The following MAPK10 variants were observed in gnomAD, a reference collection of about 807,000 sequenced individuals.
MAPK10 encodes the protein JNK3 alpha protein kinase.
In MAPK10, 25 loss-of-function variants were observed where a neutral mutation model predicts 59.3. That is an observed-to-expected ratio of 0.42 (90% CI 0.31 to 0.59). The LOEUF (loss-of-function observed/expected upper bound fraction) is 0.59, where lower values mean the gene tolerates loss of function less well. Among genes scored for constraint, MAPK10 ranks in the 20% least tolerant of loss-of-function variants. The pLI is 0.15. For synonymous variants in MAPK10, 190 were observed against 200.5 expected, an observed-to-expected ratio of 0.95 and a Z score of 0.44; for missense variants, 351 against 568.9, an observed-to-expected ratio of 0.62 and a Z score of 3.90.
At chr4:86,134,789 G>A (rs2061604290) in intron 4 of MAPK10, among the ~76,000 whole-genome samples, 1 of 152,216 alleles carries the variant, frequency 6.6e-6, no homozygotes, top group Admixed American at 6.5e-5. Flanking sequence ...CATCTCACTA[G>A]GGAGTGCCAA....
chr4:86,178,418 T>C (rs2199309), intron 3 of MAPK10, among the ~76,000 whole-genome samples: 49,658 of 151,868 alleles, frequency 0.33, 11,266 homozygotes, highest in African/African-American at 0.65. Context: ...TAAGCCTAAC[T>C]ACTCCCTACC....
At chr4:86,238,418 A>T (rs1181317335) in intron 2 of MAPK10, among the ~76,000 whole-genome samples, 1 of 151,678 alleles carries the variant, frequency 6.6e-6, no homozygotes, top group Non-Finnish European at 1.5e-5. Context: ...ATAGCATTGA[A>T]TCTATAAATT....
chr4:86,107,585 G>A, intron 4 of MAPK10: 1 of 1,141,266 alleles, frequency 8.8e-7, no homozygotes, highest in Non-Finnish European at 1.1e-6. Flanking sequence ...AGAAACAGGA[G>A]AAGGGGGGAA....
At chr4:86,042,557 T>C (rs2041777906) in intron 11 of MAPK10, among the ~76,000 whole-genome samples, 1 of 152,048 alleles carries the variant, frequency 6.6e-6, no homozygotes, top group African/African-American at 2.4e-5. Flanking sequence ...AAATTTTAAA[T>C]GTGGGAGGAA....
intron 1 of MAPK10, among the ~76,000 whole-genome samples, chr4:86,567,246 G>A (rs2017810912): frequency 6.7e-6 from 1 of 149,834 alleles, no homozygotes; most frequent in African/African-American, 2.5e-5. Context: ...TTGAGATGGA[G>A]TTTTGCACTT....
intron 2 of MAPK10, among the ~76,000 whole-genome samples, chr4:86,234,393 G>A (rs542864864): frequency 1.3e-5 from 2 of 152,184 alleles, no homozygotes; most frequent in African/African-American, 4.8e-5. Flanking sequence ...TAAAGTTGAT[G>A]TAATTAATAT....
At chr4:86,527,965 A>G (rs965201950) in intron 1 of MAPK10, among the ~76,000 whole-genome samples, 1 of 152,220 alleles carries the variant, frequency 6.6e-6, no homozygotes, top group Non-Finnish European at 1.5e-5. Flanking sequence ...ACCCAAGGAC[A>G]TAAAGATGGG....
chr4:86,425,636 G>A (rs1023960212), intron 1 of MAPK10, among the ~76,000 whole-genome samples: 16 of 152,074 alleles, frequency 1.1e-4, no homozygotes, highest in African/African-American at 3.6e-4. Flanking sequence ...ATGTCACAGA[G>A]AGCTATATTT....
upstream of MAPK10, among the ~76,000 whole-genome samples, chr4:86,454,137 C>T (rs764926662): frequency 6.6e-6 from 1 of 152,170 alleles, no homozygotes; most frequent in African/African-American, 2.4e-5. Context: ...CTAGACCTTC[C>T]CTCTGACAGA....
intron 3 of MAPK10, among the ~76,000 whole-genome samples, chr4:86,174,742 G>C (rs1424856855): frequency 6.6e-6 from 1 of 152,084 alleles, no homozygotes; most frequent in Non-Finnish European, 1.5e-5. Flanking sequence ...CACCTGAATT[G>C]GAATTTGAAT....
intron 1 of MAPK10, among the ~76,000 whole-genome samples, chr4:86,391,501 ACTC>A (rs1169364233): frequency 6.6e-6 from 1 of 152,090 alleles, no homozygotes; most frequent in Non-Finnish European, 1.5e-5. Context: ...ATTTTTTGTC[ACTC>A]CATATCAAGC....
At chr4:86,526,970 T>C (rs1402373576) in intron 1 of MAPK10, among the ~76,000 whole-genome samples, 1 of 152,114 alleles carries the variant, frequency 6.6e-6, no homozygotes, top group African/African-American at 2.4e-5. Flanking sequence ...ACTTGCTTTA[T>C]GGCCAAGCAT....
chr4:86,201,281 T>C (rs2082561213), intron 2 of MAPK10, among the ~76,000 whole-genome samples: 1 of 151,918 alleles, frequency 6.6e-6, no homozygotes, highest in Admixed American at 6.6e-5. Flanking sequence ...AGGAATATGT[T>C]TAACTTTTTA....
At chr4:86,503,495 G>T (rs1017127930) in intron 1 of MAPK10, among the ~76,000 whole-genome samples, 10 of 152,056 alleles carry the variant, frequency 6.6e-5, no homozygotes, top group African/African-American at 2.4e-4. Flanking sequence ...ACTTTCAAAG[G>T]CTCATTATTA....
chr4:86,245,415 G>A (rs2093019468), intron 2 of MAPK10, among the ~76,000 whole-genome samples: 1 of 151,368 alleles, frequency 6.6e-6, no homozygotes, highest in African/African-American at 2.4e-5. Flanking sequence ...AGGCTCAAGT[G>A]ATCCTCCCAC....
chr4:86,549,644 T>C (rs1267698145), intron 1 of MAPK10, among the ~76,000 whole-genome samples: 1 of 152,154 alleles, frequency 6.6e-6, no homozygotes, highest in African/African-American at 2.4e-5. Context: ...GGCTGTTTAT[T>C]GAAACAAAAT....
intron 1 of MAPK10, among the ~76,000 whole-genome samples, chr4:86,547,792 G>T (rs1340091502): frequency 6.6e-6 from 1 of 152,152 alleles, no homozygotes; most frequent in Non-Finnish European, 1.5e-5. Flanking sequence ...CTAGCTCAAG[G>T]TTTGTAAACA....
In MAPK10 at chr4:86,369,124, A is replaced by G. The variant is rs115810833; in HGVS notation, c.-121-14480T>C. The stretch of plus-strand genomic sequence containing the variant: ...GACTACATTTGAGTTTGGTCTGGAA[A>G]TTCAACTTCCCACTCTGCGGCAATT... On this transcript the variant is annotated intron_variant, in intron 1 of 13. Coordinates refer to the MAPK10 transcript ENST00000361569. Among the ~76,000 whole-genome samples, 1,485 of 152,280 alleles carry G rather than the reference A, an allele frequency of 9.8e-3. 18 individuals are homozygous for G. Among genetic ancestry groups the G allele is most frequent in the African/African-American group, 0.034 (1,409 of 41,542 alleles).
chr4:86,094,518 G>C (rs989304978), intron 9 of MAPK10, among the ~76,000 whole-genome samples: 1 of 151,870 alleles, frequency 6.6e-6, no homozygotes, highest in African/African-American at 2.4e-5. Flanking sequence ...CACAGGGTTT[G>C]CTCAAAGAAG....
Sources: gnomAD v4.1 joint callset for allele counts (sites outside exome capture counted in the v4.1 genomes callset) on GRCh38, gnomAD v4.1.1 for gene constraint, MANE v1.5 for transcripts, NCBI Gene and HGNC (gene_info 2026-07-23, HGNC 2026-07-21) for gene names.